The following PCDH10 variants were observed in gnomAD, a reference collection of about 807,000 sequenced individuals.
The protein encoded by PCDH10 is protocadherin-10.
In PCDH10, 15 loss-of-function variants were observed where a neutral mutation model predicts 74.4. The ratio of observed to expected loss-of-function variants is 0.20; its 90% CI spans 0.13 to 0.31. PCDH10 has a LOEUF of 0.31. Ranked by LOEUF, PCDH10 falls within the 10% of genes least tolerant of loss-of-function variation. The pLI, the probability that PCDH10 is intolerant of heterozygous loss-of-function variation, is 1.00. For missense variants in PCDH10, 1,260 were observed against 1,390.2 expected (o/e 0.91, Z 1.49); for synonymous variants, 619 against 589.8 (o/e 1.05, Z -0.72).
chr4:133,202,394 T>G (rs1727923233), intron 2 of PCDH10, among the ~76,000 whole-genome samples: 2 of 152,308 alleles, frequency 1.3e-5, no homozygotes, highest in East Asian at 3.9e-4. Context: ...ACATGGAAGT[T>G]GCACTGAGTA....
intron 4 of PCDH10, among the ~76,000 whole-genome samples, chr4:133,163,632 G>T (rs1368237084): frequency 6.6e-6 from 1 of 151,958 alleles, no homozygotes; most frequent in African/African-American, 2.4e-5. Context: ...TTTAGTTAAT[G>T]GATAAATATT....
At position 133,151,694 on chromosome 4, in the gene PCDH10, C is replaced by T. The variant is rs138396564; in HGVS notation, c.1554C>T (p.Ile518=). The T allele has an allele frequency of 7.4e-6, 12 of 1,613,324 alleles. No individual in the cohort carries two copies. Among genetic ancestry groups the T allele is most frequent in the Non-Finnish European group, 1.0e-5 (12 of 1,180,056 alleles). Residue 518 remains isoleucine, a synonymous_variant, in exon 1 of 5, where the codon ATC becomes ATT. Coordinates refer to ENST00000264360, the MANE Select transcript of PCDH10 (RefSeq NM_032961.3). ...TGAGCGTCTTCACCTACGTTTCTATCAACTCTGAGAACGGCTACTTGTACG... is the reference window on the plus strand; with the variant it reads ...TGAGCGTCTTCACCTACGTTTCTATTAACTCTGAGAACGGCTACTTGTACG... ...QGMSVFTYVS[I]NSENGYLYAL...
At chr4:133,155,216 G>T (rs1246608798) in intron 3 of PCDH10, among the ~76,000 whole-genome samples, 193 bp downstream of exon 3, 2 of 152,198 alleles carry the variant, frequency 1.3e-5, no homozygotes, top group Non-Finnish European at 2.9e-5. Context: ...TTCCTTTGGA[G>T]AGTTAATGTT....
At chr4:133,159,210 G>A (rs906699551) in intron 3 of PCDH10, among the ~76,000 whole-genome samples, 2 of 151,942 alleles carry the variant, frequency 1.3e-5, no homozygotes, top group African/African-American at 4.8e-5. Flanking sequence ...GACAGTCACC[G>A]AAAAAGTAGC....
intron 3 of PCDH10, among the ~76,000 whole-genome samples, chr4:133,160,239 G>C (rs1465072737): frequency 5.9e-5 from 9 of 151,880 alleles, no homozygotes; most frequent in African/African-American, 1.9e-4. Flanking sequence ...TGTACAATTT[G>C]AGCCACCTTA....
chr4:133,192,184 A>AT lies in PCDH10; in HGVS notation c.*2025dup, dbSNP rs145368444. On this transcript the variant is annotated 3_prime_UTR_variant, in exon 5 of 5. Transcript: ENST00000264360. The stretch of plus-strand genomic sequence containing the variant: ...AGATCATATGTAATACAAAAAGCAC[A>AT]TAAATTCACTAAGTGCAGCAGTAAC... The AT allele has an allele frequency of 1.5e-3, 230 of 151,834 alleles. No individual in the cohort carries two copies. The highest frequency in any genetic ancestry group is 5.4e-3 in the African/African-American group (225 of 41,544). The allele number at this position is 151,834 out of a possible 1,614,324, so 9.4% of individuals were successfully genotyped here. A position where few individuals can be genotyped will look rare whatever the true frequency, so the allele number is the denominator to read the frequency against.
Position 133,150,676 on chromosome 4 carries a change from G to A in PCDH10, c.536G>A (p.Arg179Gln). The change falls in exon 1 of 5, where the codon CGA becomes CAA. Residue 179 changes from arginine to glutamine, a missense_variant. Transcript: ENST00000264360. ...GTGCAGACCCAGGGGGATGGCAACCGATTCGCTGAGCTGGTGCTGGAGAAG... is the reference window on the plus strand; with the variant it reads ...GTGCAGACCCAGGGGGATGGCAACCAATTCGCTGAGCTGGTGCTGGAGAAG... ...LDVQTQGDGN[R>Q]FAELVLEKPL... The A allele has an allele frequency of 6.2e-7, 1 of 1,612,930 alleles. No individual in the cohort carries two copies. The highest frequency in any genetic ancestry group is 8.5e-7 in the Non-Finnish European group (1 of 1,179,932).
At chr4:133,196,101 AC>A (rs1727789187), downstream of PCDH10, among the ~76,000 whole-genome samples, 1 of 152,180 alleles carries the variant, frequency 6.6e-6, no homozygotes, top group South Asian at 2.1e-4. Context: ...CACAATTCTA[AC>A]ACAGACTTGT....
At chr4:133,167,298 G>A (rs1301207955) in intron 4 of PCDH10, among the ~76,000 whole-genome samples, 1 of 151,428 alleles carries the variant, frequency 6.6e-6, no homozygotes, top group Middle Eastern at 3.2e-3. Flanking sequence ...GTTTTGTTTA[G>A]TAACATTTCT....
At chr4:133,207,034 T>G (rs1487698401) in intron 2 of PCDH10, among the ~76,000 whole-genome samples, 1 of 152,112 alleles carries the variant, frequency 6.6e-6, no homozygotes, top group East Asian at 1.9e-4. Flanking sequence ...AATATGTAAT[T>G]CATTTTTCCA....
chr4:133,161,647 A>G (rs1018901188), intron 3 of PCDH10, among the ~76,000 whole-genome samples: 7 of 151,922 alleles, frequency 4.6e-5, no homozygotes, highest in Non-Finnish European at 1.0e-4. Flanking sequence ...CAGACTGTGC[A>G]TGGATTCGAG....
chr4:133,157,150 G>A (rs1054683218), intron 3 of PCDH10, among the ~76,000 whole-genome samples: 1 of 152,068 alleles, frequency 6.6e-6, no homozygotes, highest in Non-Finnish European at 1.5e-5. Flanking sequence ...CAACATACTG[G>A]GCACAATAAT....
At chr4:133,172,649 C>A (rs191805611) in intron 4 of PCDH10, among the ~76,000 whole-genome samples, 2 of 151,988 alleles carry the variant, frequency 1.3e-5, no homozygotes, top group Non-Finnish European at 2.9e-5. Context: ...TAGTCTCTAA[C>A]CAAAAATTAG....
chr4:133,170,546 T>A lies in PCDH10; in HGVS notation c.3103+7264T>A, dbSNP rs557445988. Among the ~76,000 whole-genome samples, 9 of 152,314 alleles carry A rather than the reference T, an allele frequency of 5.9e-5. No homozygotes were observed. The South Asian group carries it at 1.9e-3, about 32-fold the overall frequency. ...CAGTTAAATTTAATTTTTAATTATA[T>A]CTATCGAACAGACTTTGATTATGTG... is the stretch of plus-strand genomic sequence containing the variant. On this transcript the variant is annotated intron_variant, in intron 4 of 4. Transcript: ENST00000264360.
chr4:133,173,214 C>T (rs1420066309), intron 4 of PCDH10, among the ~76,000 whole-genome samples: 5 of 151,658 alleles, frequency 3.3e-5, no homozygotes, highest in Non-Finnish European at 5.9e-5. Context: ...TGAGAAATGG[C>T]GTATCTGAAG....
chr4:133,204,003 T>A (rs1727954879), intron 2 of PCDH10, among the ~76,000 whole-genome samples: 1 of 152,178 alleles, frequency 6.6e-6, no homozygotes, highest in African/African-American at 2.4e-5. Context: ...AGCAGTTGCA[T>A]TACCTCTCCA....
chr4:133,199,729 C>T (rs976995402), intron 2 of PCDH10, among the ~76,000 whole-genome samples: 1 of 150,158 alleles, frequency 6.7e-6, no homozygotes, highest in African/African-American at 2.4e-5. Flanking sequence ...GCCTGAACTG[C>T]ATTATATTTA....
rs1305570084 is a variant in PCDH10, at chr4:133,190,280, ATT to A, written c.*122_*123del. The A allele has an allele frequency of 2.3e-6, 2 of 878,648 alleles. No homozygotes were observed. The highest frequency in any genetic ancestry group is 4.9e-5 in the East Asian group (2 of 40,944). The allele number at this position is 878,648 out of a possible 1,614,324, so 54.4% of individuals were successfully genotyped here. ...TTAGTCATGTGTAACTGAGTATTAGATTTCGGATGGAGTCATCATGGCCAATT... is the reference window on the plus strand; with the variant it reads ...TTAGTCATGTGTAACTGAGTATTAGATCGGATGGAGTCATCATGGCCAATT... On this transcript the variant is annotated 3_prime_UTR_variant, in exon 5 of 5. Coordinates refer to ENST00000264360, the MANE Select transcript of PCDH10 (RefSeq NM_032961.3).
chr4:133,152,179 A>T lies in PCDH10; in HGVS notation c.2039A>T (p.Asp680Val), dbSNP rs1398979989. The change falls in exon 1 of 5, where the codon GAT (aspartate) becomes GTT (valine). Residue 680 changes from aspartate to valine, a missense_variant. Asp to Val is a radical substitution (Grantham distance 152). Coordinates refer to ENST00000264360, the MANE Select transcript of PCDH10 (RefSeq NM_032961.3). ...STATLVVQLV[D>V]GAVEPQGGGG... The stretch of plus-strand genomic sequence containing the variant: ...GCCACCCTGGTGGTTCAGCTGGTGG[A>T]TGGCGCCGTGGAGCCCCAGGGCGGG... 1 of 1,571,214 alleles carries T rather than the reference A, an allele frequency of 6.4e-7. No homozygotes were observed. Among genetic ancestry groups the T allele is most frequent in the Non-Finnish European group, 8.6e-7 (1 of 1,159,172 alleles).
Sources: allele counts gnomAD v4.1 joint callset (sites outside exome capture counted in the v4.1 genomes callset), GRCh38; gene constraint gnomAD v4.1.1; transcripts MANE v1.5; gene names NCBI Gene and HGNC (gene_info 2026-07-23, HGNC 2026-07-21).